The following ANHX variants were observed in gnomAD, a reference collection of about 807,000 sequenced individuals.
ANHX encodes the protein anomalous homeobox.
In ANHX, 20 loss-of-function variants were observed where a neutral mutation model predicts 38.9. That is an observed-to-expected ratio of 0.51 (90% CI 0.36 to 0.75). The LOEUF (loss-of-function observed/expected upper bound fraction) is 0.75. ANHX is among the 30% of genes least tolerant of loss of function. The pLI is 0.00. For synonymous variants in ANHX, 185 were observed against 203.1 expected (o/e 0.91, Z 0.76); for missense variants, 475 against 493.1 (o/e 0.96, Z 0.35).
rs1301301451 is a variant in ANHX at position 133,225,840 on chromosome 12, G to A, written c.840-12C>T. 1.3e-5 allele frequency among the ~76,000 whole-genome samples: 2 copies of A among 152,194 alleles called. No individual in the cohort carries two copies. The highest frequency in any genetic ancestry group is 2.4e-5 in the African/African-American group (1 of 41,438). ...CACCTGGCAGAGACCTGGGGGACAT[G>A]GAGAACACTGTCTCTTGGTGGGCAG... On this transcript the variant is annotated splice_polypyrimidine_tract_variant and intron_variant, in intron 6 of 9. Transcript: ENST00000545940.
chr12:133,230,197 A>C (rs532708015), intron 3 of ANHX, among the ~76,000 whole-genome samples: 1 of 152,180 alleles, frequency 6.6e-6, no homozygotes, highest in East Asian at 1.9e-4. Flanking sequence ...CATCCCCAGC[A>C]CCTCCCAGAA....
chr12:133,224,754 A>C (rs375255655), intron 7 of ANHX, among the ~76,000 whole-genome samples: 58 of 151,242 alleles, frequency 3.8e-4, no homozygotes, highest in African/African-American at 1.4e-3. Flanking sequence ...TCATGAGGTC[A>C]GGAGATCAAG....
chr12:133,223,198 AT>A (rs1386773049), intron 7 of ANHX, among the ~76,000 whole-genome samples: 8 of 139,706 alleles, frequency 5.7e-5, no homozygotes, highest in African/African-American at 2.2e-4. Context: ...TCAAAAAAAA[AT>A]ATATATATAT....
At chr12:133,224,768 A>C (rs1957163407) in intron 7 of ANHX, among the ~76,000 whole-genome samples, 1 of 151,178 alleles carries the variant, frequency 6.6e-6, no homozygotes, top group Admixed American at 6.6e-5. Flanking sequence ...GATCAAGACC[A>C]TCCTGGCTAA....
At chr12:133,220,557 ACCTGGTTGCAGCTC>A (rs1212229489) in intron 8 of ANHX, among the ~76,000 whole-genome samples, 17 of 152,264 alleles carry the variant, frequency 1.1e-4, no homozygotes, top group Non-Finnish European at 2.2e-4. Context: ...CCTTGAGTCA[ACCTGGTTGCAGCTC>A]CCTGATGAGG....
chr12:133,220,168 C>T (rs1957089676), intron 8 of ANHX, among the ~76,000 whole-genome samples: 1 of 152,050 alleles, frequency 6.6e-6, no homozygotes, highest in African/African-American at 2.4e-5. Context: ...GTGAAAGTCA[C>T]ACTGAGAAAA....
Position 133,231,591 on chromosome 12 carries a change from G to C in ANHX, c.303C>G (p.Ile101Met). 1 of 1,536,110 alleles carries C rather than the reference G, an allele frequency of 6.5e-7. No individual in the cohort carries two copies. ...GCCTCCTCATGACCAGACGGTAGTG[G>C]ATGTCGTTCCAGAGCTGCACTAACT... ...SQELVQLWND[I>M]HYRLVMRRLG... is the part of the protein sequence containing the mutation. The change falls in exon 3 of 10, where the codon ATC (isoleucine) becomes ATG (methionine). Residue 101 changes from isoleucine to methionine, a missense_variant. By Grantham distance (10) the Ile-to-Met change is conservative. Transcript: ENST00000545940.
rs1242678202 is a variant in ANHX at position 133,231,621 on chromosome 12, G to A, written c.273C>T (p.Ser91=). 1 of 1,535,996 alleles carries A rather than the reference G, an allele frequency of 6.5e-7. No individual in the cohort carries two copies. Among genetic ancestry groups the A allele is most frequent in the Admixed American group, 2.0e-5 (1 of 50,986 alleles). ...CGTTCCAGAGCTGCACTAACTCCTG[G>A]CTGCCTCCCGGCACCTGGCACCCCT... The part of the protein sequence containing the change: ...LLEGCQVPGG[S]QELVQLWNDI... Residue 91 remains serine (S), a synonymous_variant, in exon 3 of 10, where the codon AGC becomes AGT. Transcript: ENST00000545940.
At chr12:133,228,845 T>C (rs1035011525) in intron 3 of ANHX, among the ~76,000 whole-genome samples, 5 of 152,176 alleles carry the variant, frequency 3.3e-5, no homozygotes, top group African/African-American at 1.2e-4. Context: ...ATCCCATGAG[T>C]CTGCTCCAGT....
chr12:133,231,373 A>C (rs1446814395), intron 3 of ANHX, 144 bp downstream of exon 3: 1 of 1,175,866 alleles, frequency 8.5e-7, no homozygotes, highest in Non-Finnish European at 1.2e-6. Context: ...TGCTGACTAC[A>C]CTGTGACTAT....
chr12:133,229,139 G>T (rs1355711161), intron 3 of ANHX, among the ~76,000 whole-genome samples: 1 of 152,118 alleles, frequency 6.6e-6, no homozygotes, highest in African/African-American at 2.4e-5. Context: ...CCTGAACACA[G>T]AGGACCCCTT....
Position 133,219,352 on chromosome 12 carries a change from G to T in ANHX, c.1296C>A (p.Ala432=). The T allele has an allele frequency of 6.5e-7, 1 of 1,532,790 alleles. No homozygotes were observed. The highest frequency in any genetic ancestry group is 8.7e-7 in the Non-Finnish European group (1 of 1,145,316). 94.9% of individuals were successfully genotyped at this position (1,532,790 alleles called of 1,614,324 possible). The change falls in exon 9 of 10, where the codon GCC becomes GCA. Residue 432 remains alanine, a synonymous_variant. Coordinates refer to ENST00000545940, the MANE Select transcript of ANHX (RefSeq NM_001372060.1). ...GGCCGGGGAAGGCAGATGGGGCTGG[G>T]GCCAGCTCTGGAGGGCTGGAAAAGA... is the stretch of plus-strand genomic sequence containing the variant. The part of the protein sequence containing the change: ...FILTQSPPEL[A]PAPSAFPGPV...
At position 133,218,845 on chromosome 12, in the gene ANHX, C is replaced by A. The variant is rs1374807249; in HGVS notation, c.*40G>T. The A allele has an allele frequency of 3.6e-5, 51 of 1,434,654 alleles. 1 individual carries two copies. The highest frequency in any genetic ancestry group is 3.7e-5 in the Non-Finnish European group (40 of 1,081,714). 88.9% of individuals were successfully genotyped at this position (1,434,654 alleles called of 1,614,324 possible). A position where few individuals can be genotyped will look rare whatever the true frequency, so the allele number is the denominator to read the frequency against. On this transcript the variant is annotated 3_prime_UTR_variant, in exon 10 of 10. Coordinates refer to ENST00000545940, the MANE Select transcript of ANHX (RefSeq NM_001372060.1). ...GTGTTGACCAGGCAGACCATCCACACCCGCTCCTCCTGGGGTGCTGTCTGG... is the reference window on the plus strand; with the variant it reads ...GTGTTGACCAGGCAGACCATCCACAACCGCTCCTCCTGGGGTGCTGTCTGG...
In ANHX at chr12:133,227,163, A is replaced by G. The variant is rs774953432; in HGVS notation, c.502-11T>C. On this transcript the variant is annotated splice_polypyrimidine_tract_variant and intron_variant, in intron 4 of 9. Transcript: ENST00000545940. Reference sequence around the variant, plus strand: ...CAATGCCAAGTTCTCCTGCCCCCAAACAACAAGACTTCTAGCCCTGCTTCC... The same window carrying G: ...CAATGCCAAGTTCTCCTGCCCCCAAGCAACAAGACTTCTAGCCCTGCTTCC... 5.2e-6 allele frequency: 8 copies of G among 1,530,860 alleles called. No individual in the cohort carries two copies. The highest frequency in any genetic ancestry group is 7.0e-6 in the Non-Finnish European group (8 of 1,143,528). 94.8% of individuals were successfully genotyped at this position (1,530,860 alleles called of 1,614,324 possible).
At position 133,221,058 on chromosome 12, in the gene ANHX, G is replaced by T; in HGVS notation, c.1280+147C>A. 9.1e-7 allele frequency: 1 copy of T among 1,094,448 alleles called. No homozygotes were observed. 67.8% of individuals were successfully genotyped at this position (1,094,448 alleles called of 1,614,324 possible). A position where few individuals can be genotyped will look rare whatever the true frequency, so the allele number is the denominator to read the frequency against. On this transcript the variant is annotated intron_variant, in intron 8 of 9. Transcript: ENST00000545940. This position sits in a 1 kb window ranked among gnomAD's most constrained non-coding sequence, Gnocchi z 4.1. ...ACTACCCTTTTCTTCATAGGTGTAG[G>T]CTTGTGGGGACTGTTACAGTTTTCA... is the stretch of plus-strand genomic sequence containing the variant.
Position 133,221,109 on chromosome 12 carries a change from T to C in ANHX, c.1280+96A>G. The C allele has an allele frequency of 4.9e-6, 7 of 1,424,958 alleles. No homozygotes were observed. Among genetic ancestry groups the C allele is most frequent in the South Asian group, 1.4e-5 (1 of 71,182 alleles). The allele number at this position is 1,424,958 out of a possible 1,614,324, so 88.3% of individuals were successfully genotyped here. Reference sequence around the variant, plus strand: ...GCAATCCAAAGGAGAGGACCCTATCTGCACAGTCCGGGACGGTGAGTCTAT... The same window carrying C: ...GCAATCCAAAGGAGAGGACCCTATCCGCACAGTCCGGGACGGTGAGTCTAT... On this transcript the variant is annotated intron_variant, in intron 8 of 9. Coordinates refer to ENST00000545940, the MANE Select transcript of ANHX (RefSeq NM_001372060.1). The surrounding 1 kb of genome is among the most constrained non-coding windows in gnomAD (Gnocchi z 4.1).
chr12:133,223,272 A>T (rs978187107), intron 7 of ANHX, among the ~76,000 whole-genome samples: 4 of 151,894 alleles, frequency 2.6e-5, no homozygotes, highest in African/African-American at 4.8e-5. Context: ...GCACATCAAT[A>T]AAAAAATACA....
chr12:133,234,564 C>T (rs2135581669), intron 1 of ANHX, 186 bp from the exon 2 acceptor site: 1 of 643,538 alleles, frequency 1.6e-6, no homozygotes, highest in East Asian at 2.9e-5. Flanking sequence ...TCTAGAATTT[C>T]CTTCTAATCC....
chr12:133,219,206 T>G (rs1016588002), intron 9 of ANHX, 77 bp downstream of exon 9: 64 of 1,341,806 alleles, frequency 4.8e-5, no homozygotes, highest in Non-Finnish European at 6.2e-5. Flanking sequence ...TGGCACTAGC[T>G]GAACCCTCCT....
Sources: allele counts gnomAD v4.1 joint callset (sites outside exome capture counted in the v4.1 genomes callset), GRCh38; gene constraint gnomAD v4.1.1; non-coding constraint Gnocchi (gnomAD v3.1); transcripts MANE v1.5; gene names NCBI Gene and HGNC (gene_info 2026-07-23, HGNC 2026-07-21).